Variants in LRFN2 observed in about 807,000 individuals in gnomAD.
The protein encoded by LRFN2 is leucine-rich repeat and fibronectin type-III domain-containing protein 2.
LRFN2 carries 18 observed loss-of-function variants against 37.3 expected under a neutral mutation model. The ratio of observed to expected loss-of-function variants is 0.48; its 90% CI spans 0.33 to 0.72. The LOEUF is 0.72. Ranked by LOEUF, LRFN2 falls within the 30% of genes least tolerant of loss-of-function variation. LRFN2 has a pLI of 0.02. For missense variants in LRFN2, 1,006 were observed against 1,060.7 expected (o/e 0.95, Z 0.72); for synonymous variants, 556 against 466.6 (o/e 1.19, Z -2.47).
rs558676170 is a variant in LRFN2 at position 40,438,584 on chromosome 6, T to C, written c.-18-5453A>G. Among the ~76,000 whole-genome samples the C allele has an allele frequency of 2.0e-5, 3 of 152,304 alleles. No homozygotes were observed. In the East Asian group the frequency reaches 5.8e-4, roughly 29 times the overall value. On this transcript the variant is annotated intron_variant, in intron 1 of 2. Coordinates refer to ENST00000338305, the MANE Select transcript of LRFN2 (RefSeq NM_020737.3). ...ATGGAGATCGTCTGGCTCCAGGCCA[T>C]GCTCAGAGTAAAGGAGGCCCCTCTG...
rs72853005 is a variant in LRFN2 at position 40,530,888 on chromosome 6, G to A, written c.-19+56053C>T. Among the ~76,000 whole-genome samples, 604 of 152,168 alleles carry A rather than the reference G, an allele frequency of 4.0e-3. 7 individuals are homozygous for A. The highest frequency in any genetic ancestry group is 4.0e-3 in the Non-Finnish European group (273 of 68,018). On this transcript the variant is annotated intron_variant, in intron 1 of 2. Transcript: ENST00000338305. ...TGCTGCTTCTCCCTTTGCCTTCCTG[G>A]TCTGGGTAACTAACTGTCAACACTG...
chr6:40,517,533 T>G (rs1765918855), intron 1 of LRFN2: 1 of 152,200 alleles, frequency 6.6e-6, no homozygotes, highest in East Asian at 1.9e-4. Context: ...GGCAGAGAAG[T>G]TCTTAAGCCT....
intron 1 of LRFN2, among the ~76,000 whole-genome samples, chr6:40,544,673 C>G (rs570515601): frequency 1.2e-4 from 18 of 152,352 alleles, no homozygotes; most frequent in Middle Eastern, 3.4e-3. Flanking sequence ...GGAGAATCAG[C>G]AGCAACCACC....
intron 1 of LRFN2, among the ~76,000 whole-genome samples, chr6:40,457,051 C>G (rs1289412307): frequency 6.6e-6 from 1 of 152,044 alleles, no homozygotes; most frequent in Non-Finnish European, 1.5e-5. Flanking sequence ...CCCCTGCACC[C>G]CTCCCCACCA....
At chr6:40,423,002 T>C (rs901472419) in intron 2 of LRFN2, among the ~76,000 whole-genome samples, 3 of 152,238 alleles carry the variant, frequency 2.0e-5, no homozygotes, top group Non-Finnish European at 4.4e-5. Flanking sequence ...TAGTCACCTC[T>C]GAACAGATGC....
intron 1 of LRFN2, among the ~76,000 whole-genome samples, chr6:40,542,324 G>A (rs148557421): frequency 7.9e-5 from 12 of 152,152 alleles, no homozygotes; most frequent in Admixed American, 7.9e-4. Flanking sequence ...GAGAGGTGGC[G>A]GTGGCAGCAG....
Position 40,417,615 on chromosome 6 carries a change from G to A in LRFN2, c.1400+14099C>T, listed in dbSNP as rs550859632. Reference sequence around the variant, plus strand: ...ACAGAGGAGCTGGGTCAGTGATGGCGTGGGATGCTCTGCTCTGCAGGGGGA... The same window carrying A: ...ACAGAGGAGCTGGGTCAGTGATGGCATGGGATGCTCTGCTCTGCAGGGGGA... On this transcript the variant is annotated intron_variant, in intron 2 of 2. Coordinates refer to ENST00000338305, the MANE Select transcript of LRFN2 (RefSeq NM_020737.3). Among the ~76,000 whole-genome samples the A allele has an allele frequency of 5.9e-5, 9 of 152,298 alleles. No individual in the cohort carries two copies. The East Asian group carries it at 9.6e-4, about 16-fold the overall frequency.
chr6:40,559,901 G>T (rs1766962369), intron 1 of LRFN2, among the ~76,000 whole-genome samples: 1 of 152,124 alleles, frequency 6.6e-6, no homozygotes, highest in Non-Finnish European at 1.5e-5. Flanking sequence ...GGTAAATAGG[G>T]CTGGCCTCTC....
chr6:40,416,914 G>A (rs1480726753), intron 2 of LRFN2, among the ~76,000 whole-genome samples: 1 of 152,220 alleles, frequency 6.6e-6, no homozygotes, highest in Non-Finnish European at 1.5e-5. Flanking sequence ...TTTAAACAGG[G>A]TTCTGTTCTT....
chr6:40,553,381 C>G (rs1766813282), intron 1 of LRFN2, among the ~76,000 whole-genome samples: 1 of 152,196 alleles, frequency 6.6e-6, no homozygotes. Context: ...GGGCTTAAAG[C>G]CACAAGGGAA....
intron 1 of LRFN2, among the ~76,000 whole-genome samples, chr6:40,447,105 G>C (rs115184311): frequency 0.018 from 2,673 of 151,864 alleles, 77 homozygotes; most frequent in African/African-American, 0.06. Context: ...GTCTCCCCCA[G>C]ACTGGGGTCC....
chr6:40,475,632 C>A (rs757618888), intron 1 of LRFN2, among the ~76,000 whole-genome samples: 3 of 152,100 alleles, frequency 2.0e-5, no homozygotes, highest in Non-Finnish European at 4.4e-5. Flanking sequence ...AGCCCTCATC[C>A]CTTCCCCTAA....
chr6:40,543,915 C>A (rs1420888972), intron 1 of LRFN2, among the ~76,000 whole-genome samples: 1 of 152,196 alleles, frequency 6.6e-6, no homozygotes, highest in Non-Finnish European at 1.5e-5. Context: ...AGCTCAGAAG[C>A]CTGAGAAGGA....
Position 40,433,199 on chromosome 6 carries a change from C to A in LRFN2, c.-18-68G>T, listed in dbSNP as rs570047195. The A allele has an allele frequency of 1.3e-5, 18 of 1,343,742 alleles. No individual in the cohort carries two copies. In the African/African-American group the frequency reaches 2.6e-4, roughly 20 times the overall value. 83.2% of individuals were successfully genotyped at this position (1,343,742 alleles called of 1,614,324 possible). Reference sequence around the variant, plus strand: ...CTAATGCACTCACCCAGAGCTTCCTCCCTCACATTAACCCTCACTGCCTTA... The same window carrying A: ...CTAATGCACTCACCCAGAGCTTCCTACCTCACATTAACCCTCACTGCCTTA... On this transcript the variant is annotated intron_variant, in intron 1 of 2. Coordinates refer to ENST00000338305, the MANE Select transcript of LRFN2 (RefSeq NM_020737.3).
intron 2 of LRFN2, among the ~76,000 whole-genome samples, chr6:40,414,656 A>G (rs1006765044): frequency 2.0e-5 from 3 of 152,214 alleles, no homozygotes; most frequent in African/African-American, 7.2e-5. Context: ...AAACATTAAA[A>G]CATATAAAAT....
chr6:40,586,290 T>C (rs1370120914), intron 1 of LRFN2, among the ~76,000 whole-genome samples: 1 of 152,106 alleles, frequency 6.6e-6, no homozygotes, highest in Admixed American at 6.5e-5. Context: ...AACCCAGGCA[T>C]GGCTAATGCC....
rs141717816 is a variant in LRFN2 at position 40,472,511 on chromosome 6, G to A, written c.-18-39380C>T. On this transcript the variant is annotated intron_variant, in intron 1 of 2. Coordinates refer to ENST00000338305, the MANE Select transcript of LRFN2 (RefSeq NM_020737.3). Reference sequence around the variant, plus strand: ...CATTTTCAGCCTAATAAGCCTTCCCGGGCATCCTGCCAAATGACCTTGGGG... The same window carrying A: ...CATTTTCAGCCTAATAAGCCTTCCCAGGCATCCTGCCAAATGACCTTGGGG... Among the ~76,000 whole-genome samples, 547 of 152,288 alleles carry A rather than the reference G, an allele frequency of 3.6e-3. 2 individuals are homozygous for A. The highest frequency in any genetic ancestry group is 0.013 in the African/African-American group (530 of 41,556).
intron 2 of LRFN2, among the ~76,000 whole-genome samples, chr6:40,421,867 C>T (rs553175345): frequency 6.6e-6 from 1 of 152,180 alleles, no homozygotes; most frequent in Non-Finnish European, 1.5e-5. Context: ...CTACTAGAAG[C>T]ACTTCACACT....
chr6:40,554,142 C>T (rs925265692), intron 1 of LRFN2, among the ~76,000 whole-genome samples: 1 of 152,208 alleles, frequency 6.6e-6, no homozygotes. Context: ...TTACTCCTGT[C>T]CCCCCGAAGT....
Sources: allele counts gnomAD v4.1 joint callset (sites outside exome capture counted in the v4.1 genomes callset), GRCh38; gene constraint gnomAD v4.1.1; transcripts MANE v1.5; gene names NCBI Gene and HGNC (gene_info 2026-07-23, HGNC 2026-07-21).